The following SLC8A3 variants were observed in gnomAD, a reference collection of about 807,000 sequenced individuals.
SLC8A3 encodes the protein solute carrier family 8 member A3.
A neutral mutation model predicts 65.4 loss-of-function variants in SLC8A3; 37 were observed. That is an observed-to-expected ratio of 0.57 (90% CI 0.44 to 0.74). The LOEUF is 0.74. Ranked by LOEUF, SLC8A3 falls within the 30% of genes least tolerant of loss-of-function variation. SLC8A3 has a pLI of 0.00. For synonymous variants in SLC8A3, 461 were observed against 444.5 expected (o/e 1.04, Z -0.47); for missense variants, 1,112 against 1,172.1 (o/e 0.95, Z 0.75).
chr14:70,132,668 C>T (rs1041700478), intron 2 of SLC8A3, among the ~76,000 whole-genome samples: 1 of 152,136 alleles, frequency 6.6e-6, no homozygotes, highest in African/African-American at 2.4e-5. Context: ...ATGATCCTGG[C>T]AATCTGGTGT....
intron 6 of SLC8A3, 31 bp downstream of exon 6, chr14:70,048,736 C>T (rs769849456): frequency 6.2e-7 from 1 of 1,603,274 alleles, no homozygotes; most frequent in East Asian, 2.2e-5. Flanking sequence ...GTAAAATCCT[C>T]TTTGCAAATT....
intron 3 of SLC8A3, among the ~76,000 whole-genome samples, chr14:70,055,030 C>G (rs1887925686): frequency 6.6e-6 from 1 of 152,104 alleles, no homozygotes; most frequent in African/African-American, 2.4e-5. Flanking sequence ...GCTTTCATAT[C>G]TGCTCATGAA....
intron 2 of SLC8A3, among the ~76,000 whole-genome samples, chr14:70,139,946 G>A (rs12889950): frequency 7.2e-5 from 11 of 152,280 alleles, no homozygotes; most frequent in South Asian, 4.1e-4. Flanking sequence ...CTGCAAGTTC[G>A]TTGAATCATG....
chr14:70,068,872 A>T (rs915438850), intron 2 of SLC8A3, among the ~76,000 whole-genome samples: 4 of 151,962 alleles, frequency 2.6e-5, no homozygotes. Flanking sequence ...GACTACAGGC[A>T]CCTGCCACCA....
At chr14:70,189,002 G>A (rs1465919192), upstream of SLC8A3, 4 of 152,180 alleles carry the variant, frequency 2.6e-5, no homozygotes, top group African/African-American at 9.7e-5. Flanking sequence ...GCCGGAAGAA[G>A]CCAAATCAAA....
chr14:70,078,443 A>G (rs1890734231), intron 2 of SLC8A3, among the ~76,000 whole-genome samples: 1 of 152,164 alleles, frequency 6.6e-6, no homozygotes, highest in Non-Finnish European at 1.5e-5. Context: ...CATACACATT[A>G]TATTATCTGA....
chr14:70,161,238 C>T (rs12433044), intron 2 of SLC8A3, among the ~76,000 whole-genome samples: 31,773 of 128,660 alleles, frequency 0.25, 4,206 homozygotes, highest in Admixed American at 0.39. Flanking sequence ...TGCAGTGAGC[C>T]GAGATGTGCC....
intron 1 of SLC8A3, among the ~76,000 whole-genome samples, chr14:70,176,793 C>T (rs779261403): frequency 3.2e-4 from 49 of 152,224 alleles, no homozygotes; most frequent in Admixed American, 1.0e-3. Flanking sequence ...TATACTTGTA[C>T]TCATGAAATA....
chr14:70,187,332 G>A (rs1296030575), intron 1 of SLC8A3: 6 of 154,294 alleles, frequency 3.9e-5, no homozygotes, highest in South Asian at 2.1e-4. Flanking sequence ...GGGGGCGGGG[G>A]GAGAGAGAGA....
intron 1 of SLC8A3, 115 bp from the exon 2 acceptor site, chr14:70,168,599 G>A: frequency 1.7e-6 from 1 of 587,666 alleles, no homozygotes; most frequent in East Asian, 2.8e-5. Flanking sequence ...ACTAACATAT[G>A]GGGCAGTCTC....
intron 1 of SLC8A3, among the ~76,000 whole-genome samples, chr14:70,173,739 C>T (rs919579518): frequency 6.6e-6 from 1 of 152,128 alleles, no homozygotes; most frequent in Admixed American, 6.5e-5. Flanking sequence ...TTGTGTCACC[C>T]GAGTCCAAGC....
chr14:70,148,699 A>G (rs942649080), intron 2 of SLC8A3, among the ~76,000 whole-genome samples: 1 of 152,166 alleles, frequency 6.6e-6, no homozygotes, highest in Non-Finnish European at 1.5e-5. Flanking sequence ...TATTATTATT[A>G]TATTTTTGAT....
rs549882961 is a variant in SLC8A3 at position 70,060,751 on chromosome 14, C to T, written c.1888+85G>A. On this transcript the variant is annotated intron_variant, in intron 3 of 6. Transcript: ENST00000356921. ...AAGGAGGGAGACAAAAATATAGCTG[C>T]TTTTTCTTTTTTGTTGTTGTTTTTC... 79 of 836,762 alleles carry T rather than the reference C, an allele frequency of 9.4e-5. No homozygotes were observed. In the Admixed American group the frequency reaches 1.0e-3, roughly 11 times the overall value. 51.8% of individuals were successfully genotyped at this position (836,762 alleles called of 1,614,324 possible).
intron 2 of SLC8A3, among the ~76,000 whole-genome samples, chr14:70,158,325 T>C (rs1896695985): frequency 6.6e-6 from 1 of 152,108 alleles, no homozygotes; most frequent in Non-Finnish European, 1.5e-5. Flanking sequence ...GAAAGACGTT[T>C]GGAGATAGAA....
intron 2 of SLC8A3, among the ~76,000 whole-genome samples, chr14:70,110,712 G>A (rs1301143009): frequency 1.8e-5 from 2 of 113,282 alleles, no homozygotes; most frequent in African/African-American, 3.3e-5. Context: ...ACAGAGTCTC[G>A]CTCTTTCACC....
chr14:70,050,656 A>G (rs1292080941), intron 5 of SLC8A3, among the ~76,000 whole-genome samples: 1 of 152,184 alleles, frequency 6.6e-6, no homozygotes, highest in Non-Finnish European at 1.5e-5. Flanking sequence ...AAACCCATGA[A>G]AAGAAAGAAT....
intron 2 of SLC8A3, among the ~76,000 whole-genome samples, chr14:70,106,895 C>T (rs1411051292): frequency 6.6e-6 from 1 of 152,094 alleles, no homozygotes; most frequent in African/African-American, 2.4e-5. Flanking sequence ...CCAGAAGAAA[C>T]AAGCTCTCCA....
intron 2 of SLC8A3, among the ~76,000 whole-genome samples, chr14:70,145,931 AGAAGGAAG>A (rs758465525): frequency 6.9e-6 from 1 of 144,806 alleles, no homozygotes; most frequent in African/African-American, 2.5e-5. Flanking sequence ...ATGGAAGGAA[AGAAGGAAG>A]GAAGGAAGGA....
intron 2 of SLC8A3, among the ~76,000 whole-genome samples, chr14:70,082,390 G>T (rs1424311993): frequency 2.0e-5 from 3 of 152,154 alleles, no homozygotes; most frequent in Non-Finnish European, 4.4e-5. Flanking sequence ...GCTGCTGCCT[G>T]CTCTGGCAGG....
Sources: gnomAD v4.1 joint callset for allele counts (sites outside exome capture counted in the v4.1 genomes callset) on GRCh38, gnomAD v4.1.1 for gene constraint, MANE v1.5 for transcripts, NCBI Gene and HGNC (gene_info 2026-07-23, HGNC 2026-07-21) for gene names.